The following NTM variants were observed in gnomAD, a reference collection of about 807,000 sequenced individuals.
The protein encoded by NTM is neurotrimin.
In NTM, 13 loss-of-function variants were observed where a neutral mutation model predicts 42.1. That is an observed-to-expected ratio of 0.31 (90% CI 0.20 to 0.49). NTM has a LOEUF of 0.49. NTM is among the 20% of genes least tolerant of loss of function. The pLI, the probability that NTM is intolerant of heterozygous loss-of-function variation, is 0.99. For missense variants in NTM, 373 were observed against 452.8 expected, an observed-to-expected ratio of 0.82 and a Z score of 1.60; for synonymous variants, 187 against 179.2, an observed-to-expected ratio of 1.04 and a Z score of -0.35.
At chr11:132,009,701 T>C (rs370943812) in intron 2 of NTM, among the ~76,000 whole-genome samples, 26 of 152,352 alleles carry the variant, frequency 1.7e-4, no homozygotes, top group African/African-American at 5.8e-4. Context: ...CGTGCTTTTA[T>C]TAAACTCCTA....
chr11:132,102,754 G>A (rs1434657675), intron 2 of NTM, among the ~76,000 whole-genome samples: 7 of 152,138 alleles, frequency 4.6e-5, no homozygotes, highest in Non-Finnish European at 8.8e-5. Context: ...GATGCTTCCT[G>A]AGGGGAGAGA....
intron 1 of NTM, among the ~76,000 whole-genome samples, chr11:131,762,337 C>T (rs2084342824): frequency 1.3e-5 from 2 of 152,202 alleles, no homozygotes; most frequent in Admixed American, 6.5e-5. Flanking sequence ...TATTTTCACC[C>T]TCTTCTGGGG....
intron 1 of NTM, among the ~76,000 whole-genome samples, chr11:131,432,390 G>T (rs1948723986): frequency 6.6e-6 from 1 of 152,180 alleles, no homozygotes; most frequent in Non-Finnish European, 1.5e-5. Context: ...AAGTTTCTGT[G>T]TGAGAAACTG....
At chr11:131,901,148 T>C (rs1029027022) in intron 1 of NTM, among the ~76,000 whole-genome samples, 6 of 152,154 alleles carry the variant, frequency 3.9e-5, no homozygotes, top group Admixed American at 2.0e-4. Flanking sequence ...TCACAGCAAA[T>C]ATAAGAGGTA....
intron 2 of NTM, among the ~76,000 whole-genome samples, chr11:131,967,754 T>C (rs1168920407): frequency 1.3e-5 from 2 of 152,170 alleles, no homozygotes; most frequent in Admixed American, 6.5e-5. Context: ...AATGCTTTGC[T>C]TCCTGGGGGC....
At chr11:131,799,597 G>T (rs1393627169) in intron 1 of NTM, among the ~76,000 whole-genome samples, 2 of 152,174 alleles carry the variant, frequency 1.3e-5, no homozygotes, top group African/African-American at 4.8e-5. Flanking sequence ...ATACATCCCG[G>T]CTCAGTGGAG....
intron 1 of NTM, among the ~76,000 whole-genome samples, chr11:131,581,822 C>A (rs2058438429): frequency 6.6e-6 from 1 of 152,124 alleles, no homozygotes; most frequent in Non-Finnish European, 1.5e-5. Flanking sequence ...CCAGCACTTG[C>A]AGCCTTTCCC....
intron 1 of NTM, among the ~76,000 whole-genome samples, chr11:131,745,978 C>T (rs976016434): frequency 1.4e-4 from 22 of 152,096 alleles, no homozygotes; most frequent in African/African-American, 5.1e-4. Context: ...TCTGCTGCCC[C>T]CTTTATCACG....
intron 3 of NTM, among the ~76,000 whole-genome samples, chr11:132,211,290 C>T (rs951079808): frequency 6.6e-6 from 1 of 152,170 alleles, no homozygotes; most frequent in African/African-American, 2.4e-5. Context: ...CCTGCAGTCC[C>T]AGCTACTTGG....
intron 1 of NTM, among the ~76,000 whole-genome samples, chr11:131,760,759 A>G (rs375334263): frequency 3.3e-5 from 5 of 152,294 alleles, no homozygotes; most frequent in African/African-American, 1.2e-4. Flanking sequence ...TGAGACGAGG[A>G]GGAGCCTCAG....
At chr11:132,238,926 C>T (rs541694182) in intron 4 of NTM, among the ~76,000 whole-genome samples, 2 of 152,278 alleles carry the variant, frequency 1.3e-5, no homozygotes, top group Admixed American at 6.5e-5. Flanking sequence ...GTCTGCACTG[C>T]CTTGTTCAAG....
At chr11:131,897,469 G>T (rs527865494) in intron 1 of NTM, among the ~76,000 whole-genome samples, 1 of 152,216 alleles carries the variant, frequency 6.6e-6, no homozygotes, top group Admixed American at 6.5e-5. Context: ...GATGGTATCT[G>T]AAGCACTGAA....
intron 2 of NTM, among the ~76,000 whole-genome samples, chr11:132,112,899 G>A (rs1362163469): frequency 1.3e-5 from 2 of 152,074 alleles, no homozygotes; most frequent in African/African-American, 2.4e-5. Flanking sequence ...ATCTTCCTTG[G>A]TCACAGTTGG....
At chr11:132,177,732 G>A (rs1016036758) in intron 3 of NTM, among the ~76,000 whole-genome samples, 2 of 152,184 alleles carry the variant, frequency 1.3e-5, no homozygotes, top group Non-Finnish European at 2.9e-5. Flanking sequence ...AAAAAATCTT[G>A]TTGTTGAAGG....
intron 1 of NTM, among the ~76,000 whole-genome samples, chr11:131,411,786 G>A (rs1265860145): frequency 6.6e-6 from 1 of 152,050 alleles, no homozygotes. Context: ...AGCATTCCGG[G>A]CATATCAGAG....
intron 4 of NTM, among the ~76,000 whole-genome samples, chr11:132,227,967 C>T (rs2086663903): frequency 6.6e-6 from 1 of 152,134 alleles, no homozygotes; most frequent in Admixed American, 6.5e-5. Flanking sequence ...TCAAAGTCCT[C>T]AATATTTAAC....
At chr11:131,587,926 A>G (rs1456612074) in intron 1 of NTM, among the ~76,000 whole-genome samples, 1 of 152,234 alleles carries the variant, frequency 6.6e-6, no homozygotes. Flanking sequence ...GAGGCTGATG[A>G]GGAAGAGTGA....
chr11:131,942,989 C>CTACT (rs1565790781), intron 2 of NTM, among the ~76,000 whole-genome samples: 2 of 151,386 alleles, frequency 1.3e-5, no homozygotes, highest in East Asian at 3.9e-4. Context: ...GTGGGGCTAC[C>CTACT]GCAGGGCATT....
intron 3 of NTM, among the ~76,000 whole-genome samples, chr11:132,165,150 C>G (rs1167628062): frequency 6.6e-6 from 1 of 152,116 alleles, no homozygotes; most frequent in African/African-American, 2.4e-5. Context: ...TTGTGGGAAC[C>G]TAATGGAATC....
Sources: allele counts gnomAD v4.1 joint callset (sites outside exome capture counted in the v4.1 genomes callset), GRCh38; gene constraint gnomAD v4.1.1; transcripts MANE v1.5; gene names NCBI Gene and HGNC (gene_info 2026-07-23, HGNC 2026-07-21).